FSD1L: variants seen among roughly 807,000 people sequenced by gnomAD.
The protein encoded by FSD1L is fibronectin type III and SPRY domain containing 1 like, also known as FSD1-like protein.
In FSD1L, 45 loss-of-function variants were observed where a neutral mutation model predicts 71.6. The ratio of observed to expected loss-of-function variants is 0.63; its 90% confidence interval spans 0.49 to 0.81. FSD1L has a LOEUF of 0.81. Among genes scored for constraint, FSD1L ranks in the 30% least tolerant of loss-of-function variants. The pLI is 0.00. For missense variants in FSD1L, 561 were observed against 618.1 expected (o/e 0.91, Z 0.98); for synonymous variants, 197 against 207.2 (o/e 0.95, Z 0.42).
chr9:105,547,958 T>G lies in FSD1L; in HGVS notation c.*1475T>G, dbSNP rs1837100649. 1 of 152,130 alleles carries G rather than the reference T, an allele frequency of 6.6e-6. No homozygotes were observed. The allele number at this position is 152,130 out of a possible 1,614,324, so 9.4% of individuals were successfully genotyped here. On this transcript the variant is annotated 3_prime_UTR_variant, in exon 14 of 14. Transcript: ENST00000481272. The stretch of plus-strand genomic sequence containing the variant: ...TTTGCGTTGCTTTCTACATAGAGAC[T>G]TGTATAATAGTATTAATAGTAGCTC...
intron 1 of FSD1L, among the ~76,000 whole-genome samples, chr9:105,457,215 C>T (rs1015468218): frequency 1.3e-5 from 2 of 152,068 alleles, no homozygotes; most frequent in Non-Finnish European, 2.9e-5. Flanking sequence ...TGAGAGGGCT[C>T]CTAGGTAGAA....
chr9:105,509,539 A>T (rs1036778088), intron 9 of FSD1L, among the ~76,000 whole-genome samples: 10 of 152,202 alleles, frequency 6.6e-5, no homozygotes, highest in Non-Finnish European at 1.5e-4. Context: ...TCTTGTAGGC[A>T]CTTGGGACTT....
chr9:105,472,284 G>T (rs1005425333), intron 5 of FSD1L: 1 of 322,926 alleles, frequency 3.1e-6, no homozygotes. Flanking sequence ...CATGAGCACT[G>T]TAATTGTGTA....
rs1834064343 is a variant in FSD1L at position 105,506,588 on chromosome 9, G to A, written c.776G>A (p.Gly259Asp). Reference sequence around the variant, plus strand: ...TGGGAGATAATTGATAATATTAAGGGTACTGAATATACACTATCAGGTAAC... The same window carrying A: ...TGGGAGATAATTGATAATATTAAGGATACTGAATATACACTATCAGGTAAC... Reference protein sequence around the residue: ...RCWEIIDNIKGTEYTLSGLKF... With the variant: ...RCWEIIDNIKDTEYTLSGLKF... Residue 259 changes from glycine (G) to aspartate (D), a missense_variant, in exon 8 of 14, where the codon GGT becomes GAT. Gly to Asp is a moderately conservative substitution (Grantham distance 94). Coordinates refer to ENST00000481272, the MANE Select transcript of FSD1L (RefSeq NM_001145313.3). 6.5e-7 allele frequency: 1 copy of A among 1,544,186 alleles called. No homozygotes were observed. The highest frequency in any genetic ancestry group is 8.8e-7 in the Non-Finnish European group (1 of 1,140,524).
At chr9:105,497,579 G>T (rs1833494440) in intron 7 of FSD1L, among the ~76,000 whole-genome samples, 1 of 152,130 alleles carries the variant, frequency 6.6e-6, no homozygotes, top group African/African-American at 2.4e-5. Flanking sequence ...TTTTCCTTGT[G>T]GGTTTTGGCA....
intron 2 of FSD1L, 138 bp downstream of exon 2, chr9:105,461,753 C>G: frequency 1.8e-6 from 1 of 569,968 alleles, no homozygotes; most frequent in Non-Finnish European, 3.1e-6. Context: ...AGGGATCATG[C>G]CTGTAATCCC....
intron 9 of FSD1L, among the ~76,000 whole-genome samples, chr9:105,508,921 A>G (rs916020922): frequency 2.6e-5 from 4 of 152,232 alleles, no homozygotes; most frequent in African/African-American, 9.6e-5. Flanking sequence ...TTATTTATAC[A>G]GATAAAATAG....
intron 13 of FSD1L, among the ~76,000 whole-genome samples, chr9:105,545,148 G>A (rs1397138047): frequency 1.3e-5 from 2 of 151,242 alleles, no homozygotes; most frequent in South Asian, 2.1e-4. Flanking sequence ...TTCACATCCC[G>A]TGTAAGTTGG....
intron 7 of FSD1L, 104 bp from the exon 8 acceptor site, chr9:105,506,295 A>C: frequency 1.2e-6 from 1 of 853,624 alleles, no homozygotes; most frequent in Non-Finnish European, 1.8e-6. Context: ...GTTTAAAAGC[A>C]TAATGAAAAA....
intron 10 of FSD1L, among the ~76,000 whole-genome samples, chr9:105,529,787 G>GA (rs767549783): frequency 1.3e-3 from 197 of 151,594 alleles, no homozygotes; most frequent in Admixed American, 2.8e-3. Context: ...AAAAAAAAGA[G>GA]AAAAAAAATC....
chr9:105,526,339 C>G, intron 10 of FSD1L: 3 of 1,611,920 alleles, frequency 1.9e-6, no homozygotes, highest in South Asian at 2.2e-5. Context: ...CCACCATTTA[C>G]CATCTGATGC....
chr9:105,522,750 G>A (rs957432793), intron 10 of FSD1L: 1 of 1,606,492 alleles, frequency 6.2e-7, no homozygotes, highest in Non-Finnish European at 8.5e-7. Flanking sequence ...CAGCAGCAGT[G>A]CTAATGTTCC....
At chr9:105,526,490 A>T in intron 10 of FSD1L, 1 of 1,612,344 alleles carries the variant, frequency 6.2e-7, no homozygotes, top group South Asian at 1.1e-5. Context: ...CCGCATGTCC[A>T]TGAAGCTGCG....
intron 6 of FSD1L, 118 bp from the exon 7 acceptor site, chr9:105,484,263 T>A: frequency 2.9e-6 from 2 of 700,502 alleles, no homozygotes; most frequent in Non-Finnish European, 4.1e-6. Context: ...CACTTTTAAC[T>A]TTTATTATAG....
In FSD1L at chr9:105,503,865, G is replaced by C. The variant is rs150463445; in HGVS notation, c.587-2534G>C. On this transcript the variant is annotated intron_variant, in intron 7 of 13. Transcript: ENST00000481272. ...CTAAATATCTTTGTCCCTCCCACGT[G>C]TCACCACTTTCTTATTTTTTTTCTT... Among the ~76,000 whole-genome samples the C allele has an allele frequency of 5.0e-4, 76 of 152,176 alleles. 1 individual carries two copies. Among genetic ancestry groups the C allele is most frequent in the African/African-American group, 1.7e-3 (72 of 41,496 alleles).
chr9:105,524,327 C>T (rs1835368775), intron 10 of FSD1L: 1 of 1,613,588 alleles, frequency 6.2e-7, no homozygotes, highest in Admixed American at 1.7e-5. Context: ...CTGATTCTCC[C>T]TTGAAAATTA....
At chr9:105,530,176 A>G (rs577033420) in intron 10 of FSD1L, among the ~76,000 whole-genome samples, 4 of 152,182 alleles carry the variant, frequency 2.6e-5, no homozygotes, top group African/African-American at 9.7e-5. Flanking sequence ...AATGAAAAAG[A>G]TGAATTGGAC....
intron 7 of FSD1L, among the ~76,000 whole-genome samples, chr9:105,491,947 G>C (rs1832971324): frequency 6.6e-6 from 1 of 152,066 alleles, no homozygotes. Flanking sequence ...CAAGGATATT[G>C]GTCTAAAATT....
chr9:105,444,836 T>C (rs1829609037), upstream of FSD1L, among the ~76,000 whole-genome samples: 1 of 152,122 alleles, frequency 6.6e-6, no homozygotes, highest in African/African-American at 2.4e-5. Context: ...CTCTCAAGCT[T>C]AGAGTTCATC....
Sources: allele counts gnomAD v4.1 joint callset (sites outside exome capture counted in the v4.1 genomes callset), GRCh38; gene constraint gnomAD v4.1.1; transcripts MANE v1.5; gene names NCBI Gene and HGNC (gene_info 2026-07-23, HGNC 2026-07-21).